Variants in TCOF1 observed in about 807,000 individuals in gnomAD.
TCOF1 encodes treacle protein.
A neutral mutation model predicts 149.0 loss-of-function variants in TCOF1; 33 were observed. The observed-to-expected ratio is 0.22, with a 90% CI of 0.17 to 0.30. The LOEUF (loss-of-function observed/expected upper bound fraction) is 0.30. Ranked by LOEUF, TCOF1 falls within the 10% of genes least tolerant of loss-of-function variation. The pLI, the probability that TCOF1 is intolerant of heterozygous loss-of-function variation, is 1.00. For synonymous variants in TCOF1, 789 were observed against 738.8 expected (o/e 1.07, Z -1.10); for missense variants, 1,728 against 1,840.7 (o/e 0.94, Z 1.12).
intron 17 of TCOF1, chr5:150,380,114 T>G (rs1414586687): frequency 7.9e-6 from 2 of 254,340 alleles, no homozygotes; most frequent in South Asian, 4.3e-5. Context: ...AAAACCAGGG[T>G]TTAGGGCCAG....
At chr5:150,371,963 C>T (rs1762625148) in intron 6 of TCOF1, 43 bp from the exon 7 acceptor site, 10 of 1,560,380 alleles carry the variant, frequency 6.4e-6, no homozygotes, top group Non-Finnish European at 8.8e-6. Context: ...TAGGGGGAAA[C>T]AGTAATTATT....
Position 150,375,086 on chromosome 5 carries a change from C to G in TCOF1, c.1411C>G (p.Gln471Glu). ...AGCCGCCCAGGTCCAGGTGGGGAAG[C>G]AGGAGGAGGACTCAAGAAGCAGCAG... ...PAAAQVQVGKQEEDSRSSSEE... is the reference protein window; with the variant it reads ...PAAAQVQVGKEEEDSRSSSEE... Residue 471 changes from glutamine to glutamate, a missense_variant, in exon 10 of 27, where the codon CAG (glutamine) becomes GAG (glutamate). Gln to Glu is a conservative substitution (Grantham distance 29). Around this residue, in one of 2 missense-constraint regions of TCOF1, gnomAD observed 1,696 missense variants for 1,765.4 expected, o/e 0.96. Coordinates refer to ENST00000643257, the MANE Select transcript of TCOF1 (RefSeq NM_001371623.1). 1.2e-6 allele frequency: 2 copies of G among 1,613,698 alleles called. No individual in the cohort carries two copies. Among genetic ancestry groups the G allele is most frequent in the Non-Finnish European group, 1.7e-6 (2 of 1,179,884 alleles).
At chr5:150,362,372 A>G (rs529937015) in intron 2 of TCOF1, among the ~76,000 whole-genome samples, 37 of 152,204 alleles carry the variant, frequency 2.4e-4, no homozygotes, top group African/African-American at 4.6e-4. Context: ...AAGGACATGC[A>G]GACATATCCC....
rs1764414228 is a variant in TCOF1, at chr5:150,378,966, C to T, written c.2402C>T (p.Ser801Leu). 6.2e-7 allele frequency: 1 copy of T among 1,614,056 alleles called. No homozygotes were observed. The highest frequency in any genetic ancestry group is 1.7e-5 in the Admixed American group (1 of 60,004). The change falls in exon 15 of 27, where the codon TCA becomes TTA. Residue 801 changes from serine (S) to leucine (L), a missense_variant. Physicochemically the swap from Ser to Leu is moderately radical, Grantham distance 145 (BLOSUM62 -2). Around this residue, in one of 2 missense-constraint regions of TCOF1, gnomAD observed 1,696 missense variants for 1,765.4 expected, o/e 0.96. Coordinates refer to ENST00000643257, the MANE Select transcript of TCOF1 (RefSeq NM_001371623.1). ...AACCCAGCTGCCGCCAGAGCACCTTCAGCAAAAGGGACAATTTCAGCCCCT... is the reference window on the plus strand; with the variant it reads ...AACCCAGCTGCCGCCAGAGCACCTTTAGCAAAAGGGACAATTTCAGCCCCT... ...KANPAAARAP[S>L]AKGTISAPGK... is the part of the protein sequence containing the mutation.
Position 150,375,429 on chromosome 5 carries a change from G to A in TCOF1, c.1579G>A (p.Gly527Arg), listed in dbSNP as rs749349831. The change falls in exon 11 of 27, where the codon GGG becomes AGG. Residue 527 changes from glycine to arginine, a missense_variant. Physicochemically the swap from Gly to Arg is moderately radical, Grantham distance 125. Coordinates refer to ENST00000643257, the MANE Select transcript of TCOF1 (RefSeq NM_001371623.1). ...LGKGAGPVPP[G>R]KVGPATPSAQ... is the part of the protein sequence containing the mutation. The stretch of plus-strand genomic sequence containing the variant: ...GAAAGGCGCCGGCCCAGTGCCACCC[G>A]GGAAGGTGGGGCCTGCAACCCCCTC... 4.3e-6 allele frequency: 7 copies of A among 1,612,180 alleles called. No individual in the cohort carries two copies. Among genetic ancestry groups the A allele is most frequent in the Middle Eastern group, 1.7e-4 (1 of 5,800 alleles).
At position 150,393,541 on chromosome 5, in the gene TCOF1, C is replaced by T. The variant is rs370438509; in HGVS notation, c.3773C>T (p.Ser1258Phe). ...AKPQQAAGML[S>F]PKTGGKEAAS... The stretch of plus-strand genomic sequence containing the variant: ...CCCCAACAGGCAGCAGGCATGTTGT[C>T]CCCTAAAACAGGTAAGTTAAGGTCT... Residue 1258 changes from serine (S) to phenylalanine (F), a missense_variant, in exon 23 of 27, where the codon TCC becomes TTC. This residue lies in a region of TCOF1 where 1,696 missense variants were observed against 1,765.4 expected (regional missense o/e 0.96). Transcript: ENST00000643257. 9 of 1,614,178 alleles carry T rather than the reference C, an allele frequency of 5.6e-6. No individual in the cohort carries two copies. Among genetic ancestry groups the T allele is most frequent in the African/African-American group, 1.3e-5 (1 of 75,048 alleles).
At position 150,374,369 on chromosome 5, in the gene TCOF1, G is replaced by A. The variant is rs757871989; in HGVS notation, c.1066G>A (p.Ala356Thr). Residue 356 changes from alanine (A) to threonine (T), a missense_variant, in exon 8 of 27, where the codon GCC becomes ACC. By Grantham distance (58) the Ala-to-Thr change is moderately conservative. Around this residue, in one of 2 missense-constraint regions of TCOF1, gnomAD observed 1,696 missense variants for 1,765.4 expected, o/e 0.96. Coordinates refer to ENST00000643257, the MANE Select transcript of TCOF1 (RefSeq NM_001371623.1). ...SSDSEEETPAAKALLQAKASG... is the reference protein window; with the variant it reads ...SSDSEEETPATKALLQAKASG... ...TGACAGTGAGGAGGAGACGCCAGCT[G>A]CCAAGGCCCTGCTTCAGGTGAGGCC... 2 of 1,555,274 alleles carry A rather than the reference G, an allele frequency of 1.3e-6. No homozygotes were observed. Among genetic ancestry groups the A allele is most frequent in the Admixed American group, 3.9e-5 (2 of 51,246 alleles).
At position 150,393,455 on chromosome 5, in the gene TCOF1, C is replaced by G. The variant is rs528625934; in HGVS notation, c.3687C>G (p.Ser1229Arg). Residue 1229 changes from serine (S) to arginine (R), a missense_variant, in exon 23 of 27, where the codon AGC becomes AGG. By Grantham distance (110) the Ser-to-Arg change is moderately radical. Transcript: ENST00000643257. ...ASKATPKLDSSPSVSSTLAAK... is the reference protein window; with the variant it reads ...ASKATPKLDSRPSVSSTLAAK... ...AAGCCACTCCCAAGCTAGACTCCAG[C>G]CCCTCAGTTTCCTCTACTCTGGCCG... 2 of 1,614,180 alleles carry G rather than the reference C, an allele frequency of 1.2e-6. No homozygotes were observed. Among genetic ancestry groups the G allele is most frequent in the South Asian group, 2.2e-5 (2 of 91,084 alleles).
At chr5:150,369,341 G>A (rs904989502) in intron 5 of TCOF1, among the ~76,000 whole-genome samples, 188 bp from the exon 6 acceptor site, 1 of 152,220 alleles carries the variant, frequency 6.6e-6, no homozygotes, top group Non-Finnish European at 1.5e-5. Context: ...AGAGATGTGT[G>A]GGAACATAGG....
chr5:150,398,253 G>A (rs1768993040), intron 24 of TCOF1, 101 bp from the exon 25 acceptor site: 1 of 1,587,886 alleles, frequency 6.3e-7, no homozygotes, highest in African/African-American at 1.4e-5. Context: ...TTCTGGTGGT[G>A]TGGGGAAAGC....
At chr5:150,371,550 A>G (rs1020321170) in intron 6 of TCOF1, among the ~76,000 whole-genome samples, 2 of 152,182 alleles carry the variant, frequency 1.3e-5, no homozygotes, top group African/African-American at 4.8e-5. Context: ...CACAGAGGGA[A>G]GGAATTTGCC....
intron 18 of TCOF1, among the ~76,000 whole-genome samples, chr5:150,389,149 A>AT (rs1287555480): frequency 1.3e-5 from 2 of 152,142 alleles, no homozygotes; most frequent in South Asian, 4.1e-4. Flanking sequence ...GTGTGTGTAT[A>AT]TTTTTTTAAT....
rs1354452628 is a variant in TCOF1 at position 150,375,091 on chromosome 5, G to A, written c.1416G>A (p.Glu472=). The A allele has an allele frequency of 6.2e-7, 1 of 1,614,192 alleles. No individual in the cohort carries two copies. Among genetic ancestry groups the A allele is most frequent in the Non-Finnish European group, 8.5e-7 (1 of 1,180,032 alleles). The change falls in exon 10 of 27, where the codon GAG becomes GAA. Residue 472 remains glutamate, a synonymous_variant. Coordinates refer to ENST00000643257, the MANE Select transcript of TCOF1 (RefSeq NM_001371623.1). ...CCCAGGTCCAGGTGGGGAAGCAGGA[G>A]GAGGACTCAAGAAGCAGCAGCGAGG... is the stretch of plus-strand genomic sequence containing the variant. ...AAAQVQVGKQ[E]EDSRSSSEES...
In TCOF1 at chr5:150,379,533, T is replaced by C. The variant is rs7713638; in HGVS notation, c.2660T>C (p.Val887Ala). The change falls in exon 17 of 27, where the codon GTG becomes GCG. Residue 887 changes from valine (V) to alanine (A), a missense_variant and splice_region_variant. Physicochemically the swap from Val to Ala is moderately conservative, Grantham distance 64. Transcript: ENST00000643257. ...SEEEAETLAQ[V>A]KPSGKTHQIR... Reference sequence around the variant, plus strand: ...CTCTCATCCTGTTTCTCCCTCCAGGTGAAGCCTTCAGGGAAGACCCACCAG... The same window carrying C: ...CTCTCATCCTGTTTCTCCCTCCAGGCGAAGCCTTCAGGGAAGACCCACCAG... The C allele has an allele frequency of 0.16, 253,088 of 1,614,070 alleles. 21,005 individuals carry two copies. The highest frequency in any genetic ancestry group is 0.27 in the African/African-American group (20,193 of 75,004).
At chr5:150,384,924 C>A (rs1561519214) in intron 17 of TCOF1, 1 of 985,252 alleles carries the variant, frequency 1.0e-6, no homozygotes, top group Non-Finnish European at 1.2e-6. Context: ...GGGTGGTGGG[C>A]AGAGTCCCAG....
chr5:150,383,804 C>A (rs1765728307), intron 17 of TCOF1: 1 of 1,551,736 alleles, frequency 6.4e-7, no homozygotes, highest in East Asian at 2.4e-5. Flanking sequence ...TGTGGCATAC[C>A]TTCATGTGCT....
intron 17 of TCOF1, chr5:150,384,771 C>A (rs1765943904): frequency 4.1e-6 from 4 of 985,490 alleles, no homozygotes; most frequent in Non-Finnish European, 4.8e-6. Flanking sequence ...GCAGCCTCTT[C>A]CTGATTGAGA....
At chr5:150,393,221 T>C (rs757035853) in intron 22 of TCOF1, 151 bp from the exon 23 acceptor site, 12 of 871,442 alleles carry the variant, frequency 1.4e-5, no homozygotes, top group Non-Finnish European at 2.2e-5. Context: ...GAAGTGCTGC[T>C]CTGTGCCTTG....
intron 17 of TCOF1, chr5:150,385,027 T>C: frequency 1.1e-6 from 1 of 948,580 alleles, no homozygotes; most frequent in Non-Finnish European, 1.3e-6. Flanking sequence ...GGCCAGAGTC[T>C]GTGCTGGGGT....
Sources: gnomAD v4.1 joint callset for allele counts (sites outside exome capture counted in the v4.1 genomes callset) on GRCh38, gnomAD v4.1.1 for gene constraint, gnomAD v4.1.1 regional missense constraint, MANE v1.5 for transcripts, NCBI Gene and HGNC (gene_info 2026-07-23, HGNC 2026-07-21) for gene names.